TEKT5: variants seen among roughly 807,000 people sequenced by gnomAD.
TEKT5 encodes tektin 5.
TEKT5 carries 52 observed loss-of-function variants against 48.7 expected under a neutral mutation model. That is an observed-to-expected ratio of 1.07 (90% CI 0.86 to 1.35). The LOEUF (loss-of-function observed/expected upper bound fraction) is 1.35, where lower values mean the gene tolerates loss of function less well. Ranked by LOEUF, TEKT5 falls within the 40% of genes most tolerant of loss-of-function variation. TEKT5 has a pLI of 0.00. For synonymous variants in TEKT5, 318 were observed against 267.6 expected (o/e 1.19, Z -1.84); for missense variants, 831 against 641.6 (o/e 1.30, Z -3.19).
rs560181384 is a variant in TEKT5 at position 10,675,626 on chromosome 16, A to T, written c.1086+333T>A. The stretch of plus-strand genomic sequence containing the variant: ...AAGATGTGCAGAAGTGGCAGAGACT[A>T]TGGTGTGCCGGGCTCCGTTCTCTGC... On this transcript the variant is annotated intron_variant, in intron 5 of 6. Transcript: ENST00000283025. Among the ~76,000 whole-genome samples the T allele has an allele frequency of 4.0e-4, 61 of 152,294 alleles. 1 individual carries two copies. Among genetic ancestry groups the T allele is most frequent in the African/African-American group, 9.1e-4 (38 of 41,568 alleles).
At chr16:10,689,371 G>T (rs557639169) in intron 2 of TEKT5, 48 bp from the exon 3 acceptor site, 6 of 1,499,548 alleles carry the variant, frequency 4.0e-6, no homozygotes, top group Non-Finnish European at 5.6e-6. Context: ...GAACCTCACA[G>T]TCTTCTCTCC....
chr16:10,676,723 G>T (rs1898653493), intron 4 of TEKT5, among the ~76,000 whole-genome samples: 1 of 152,206 alleles, frequency 6.6e-6, no homozygotes, highest in African/African-American at 2.4e-5. Flanking sequence ...TTCATTCATG[G>T]AATATTTCTT....
intron 6 of TEKT5, among the ~76,000 whole-genome samples, chr16:10,629,781 C>T (rs1196454687): frequency 3.3e-5 from 5 of 152,062 alleles, no homozygotes; most frequent in Non-Finnish European, 5.9e-5. Flanking sequence ...GCTTGGCTGA[C>T]TCAGGTACAA....
In TEKT5 at chr16:10,629,319, C is replaced by T. The variant is rs568228212; in HGVS notation, c.1242-1520G>A. Among the ~76,000 whole-genome samples the T allele has an allele frequency of 2.6e-4, 40 of 151,322 alleles. No individual in the cohort carries two copies. In the East Asian group the frequency reaches 3.7e-3, roughly 14 times the overall value. On this transcript the variant is annotated intron_variant, in intron 6 of 6. Coordinates refer to ENST00000283025, the MANE Select transcript of TEKT5 (RefSeq NM_144674.2). ...AGGCTGGAGTGCAGTGGTGCAATCTCGGCTCACGGCAACCTCTGCCTCCCG... is the reference window on the plus strand; with the variant it reads ...AGGCTGGAGTGCAGTGGTGCAATCTTGGCTCACGGCAACCTCTGCCTCCCG...
At chr16:10,632,519 C>T (rs1166327909) in intron 6 of TEKT5, among the ~76,000 whole-genome samples, 1 of 152,092 alleles carries the variant, frequency 6.6e-6, no homozygotes, top group African/African-American at 2.4e-5. Context: ...TCATCTCGAA[C>T]TCCTGGCCTC....
At chr16:10,672,311 T>C (rs1029936533) in intron 5 of TEKT5, among the ~76,000 whole-genome samples, 2 of 152,104 alleles carry the variant, frequency 1.3e-5, no homozygotes, top group Admixed American at 6.5e-5. Context: ...GCATGGTGGC[T>C]CACACATGTA....
At chr16:10,630,254 T>A (rs942091144) in intron 6 of TEKT5, among the ~76,000 whole-genome samples, 14 of 151,810 alleles carry the variant, frequency 9.2e-5, no homozygotes, top group African/African-American at 3.4e-4. Context: ...TTTTTTTTTT[T>A]AGACCAGATC....
chr16:10,653,743 T>G (rs529826065), intron 5 of TEKT5, among the ~76,000 whole-genome samples: 1 of 152,050 alleles, frequency 6.6e-6, no homozygotes, highest in African/African-American at 2.4e-5. Flanking sequence ...TGAAACCCCG[T>G]CTCTACTAAA....
At chr16:10,644,917 C>CTAA (rs1244311316) in intron 5 of TEKT5, among the ~76,000 whole-genome samples, 3 of 152,198 alleles carry the variant, frequency 2.0e-5, no homozygotes, top group Admixed American at 1.3e-4. Context: ...CTCTGAGAGG[C>CTAA]GATTAGGTGA....
intron 5 of TEKT5, among the ~76,000 whole-genome samples, chr16:10,641,794 C>T (rs565639763): frequency 3.3e-4 from 50 of 152,288 alleles, no homozygotes; most frequent in Middle Eastern, 3.4e-3. Context: ...TGCACCCCAG[C>T]CTGGGTGACA....
intron 5 of TEKT5, among the ~76,000 whole-genome samples, chr16:10,675,280 G>A (rs1898624350): frequency 6.6e-6 from 1 of 152,132 alleles, no homozygotes; most frequent in African/African-American, 2.4e-5. Context: ...TGTTTATACG[G>A]CTCCTCATTT....
Position 10,694,632 on chromosome 16 carries a change from A to T in TEKT5, c.242T>A (p.Leu81Gln). ...TLRPPTILPTLRSALFSRYSP... is the reference protein window; with the variant it reads ...TLRPPTILPTQRSALFSRYSP... Reference sequence around the variant, plus strand: ...ATAGCGAGAGAAGAGTGCGGAGCGCAGTGTGGGCAGGATGGTGGGCGGCCG... The same window carrying T: ...ATAGCGAGAGAAGAGTGCGGAGCGCTGTGTGGGCAGGATGGTGGGCGGCCG... Residue 81 changes from leucine to glutamine, a missense_variant, in exon 1 of 7, where the codon CTG (leucine) becomes CAG (glutamine). Coordinates refer to ENST00000283025, the MANE Select transcript of TEKT5 (RefSeq NM_144674.2). 6.2e-7 allele frequency: 1 copy of T among 1,612,786 alleles called. No homozygotes were observed. Among genetic ancestry groups the T allele is most frequent in the Non-Finnish European group, 8.5e-7 (1 of 1,179,312 alleles).
chr16:10,679,049 G>C (rs148026321), intron 4 of TEKT5, among the ~76,000 whole-genome samples: 1 of 152,154 alleles, frequency 6.6e-6, no homozygotes, highest in Non-Finnish European at 1.5e-5. Context: ...TGAGCCAATC[G>C]ATTCACCTCT....
At chr16:10,686,868 G>C (rs1055978645) in intron 3 of TEKT5, among the ~76,000 whole-genome samples, 3 of 152,102 alleles carry the variant, frequency 2.0e-5, no homozygotes, top group Admixed American at 6.5e-5. Context: ...ATAAAGAAAA[G>C]GTGGCATGTA....
intron 5 of TEKT5, among the ~76,000 whole-genome samples, chr16:10,661,133 T>C (rs1415296169): frequency 6.6e-6 from 1 of 152,060 alleles, no homozygotes; most frequent in Non-Finnish European, 1.5e-5. Context: ...AACATGAAAA[T>C]GTATTGGGCA....
At chr16:10,666,742 G>A (rs1268905883) in intron 5 of TEKT5, among the ~76,000 whole-genome samples, 2 of 152,190 alleles carry the variant, frequency 1.3e-5, no homozygotes, top group Non-Finnish European at 2.9e-5. Context: ...GTCAATACAA[G>A]GCGTGAGAAC....
chr16:10,675,018 G>A (rs183385115), intron 5 of TEKT5, among the ~76,000 whole-genome samples: 32 of 152,054 alleles, frequency 2.1e-4, no homozygotes, highest in Non-Finnish European at 2.5e-4. Flanking sequence ...TAGAGCCAGG[G>A]TTTCACCATG....
chr16:10,640,440 A>AT (rs371822884), intron 5 of TEKT5, among the ~76,000 whole-genome samples: 1 of 152,136 alleles, frequency 6.6e-6, no homozygotes, highest in Non-Finnish European at 1.5e-5. Context: ...TAAAAAATAG[A>AT]TTTTTTTAAG....
At chr16:10,656,013 G>A (rs184982871) in intron 5 of TEKT5, among the ~76,000 whole-genome samples, 75 of 152,254 alleles carry the variant, frequency 4.9e-4, no homozygotes, top group Middle Eastern at 3.4e-3. Context: ...CAAATCATCC[G>A]TGATGAGGGT....
Sources: allele counts gnomAD v4.1 joint callset (sites outside exome capture counted in the v4.1 genomes callset), GRCh38; gene constraint gnomAD v4.1.1; transcripts MANE v1.5; gene names NCBI Gene and HGNC (gene_info 2026-07-23, HGNC 2026-07-21).